The following ME1 variants were observed in gnomAD, a reference collection of about 807,000 sequenced individuals.
ME1 encodes the protein malic enzyme 1.
In ME1, 74 loss-of-function variants were observed where a neutral mutation model predicts 66.4. The ratio of observed to expected loss-of-function variants is 1.11; its 90% CI spans 0.92 to 1.35. The LOEUF is 1.35. Among genes scored for constraint, ME1 ranks in the 40% most tolerant of loss-of-function variants. The probability of loss-of-function intolerance (pLI) is 0.00; values close to 1 mark genes in which losing one functional copy is unlikely to be tolerated. For synonymous variants in ME1, 251 were observed against 235.6 expected, an observed-to-expected ratio of 1.07 and a Z score of -0.60; for missense variants, 750 against 694.1, an observed-to-expected ratio of 1.08 and a Z score of -0.90.
At chr6:83,397,133 G>T (rs907371111) in intron 3 of ME1, among the ~76,000 whole-genome samples, 1 of 152,068 alleles carries the variant, frequency 6.6e-6, no homozygotes, top group Non-Finnish European at 1.5e-5. Flanking sequence ...ATAGACAAAT[G>T]GAATTATAAT....
intron 1 of ME1, among the ~76,000 whole-genome samples, chr6:83,426,021 T>TA (rs1280418249): frequency 6.6e-6 from 1 of 152,290 alleles, no homozygotes; most frequent in East Asian, 1.9e-4. Flanking sequence ...GGTTCCTTTA[T>TA]AAAAGCAAGT....
chr6:83,320,672 T>C (rs1335473820), intron 5 of ME1, among the ~76,000 whole-genome samples: 1 of 152,168 alleles, frequency 6.6e-6, no homozygotes, highest in Non-Finnish European at 1.5e-5. Context: ...AAAATGTGAA[T>C]TAGAAAAATT....
intron 5 of ME1, among the ~76,000 whole-genome samples, chr6:83,325,379 AG>A: frequency 6.6e-6 from 1 of 152,320 alleles, no homozygotes; most frequent in South Asian, 2.1e-4. Flanking sequence ...ATCAGGCAAG[AG>A]AAAGAAATAA....
At chr6:83,237,652 CTT>C in intron 9 of ME1, 63 bp downstream of exon 9, 1 of 810,158 alleles carries the variant, frequency 1.2e-6, no homozygotes, top group Non-Finnish European at 2.0e-6. Context: ...ACAGAGTTGT[CTT>C]TGAGATGGCC....
chr6:83,239,066 TAATAATATACTACA>T (rs1317281090), intron 8 of ME1, among the ~76,000 whole-genome samples: 39 of 151,930 alleles, frequency 2.6e-4, no homozygotes, highest in Non-Finnish European at 3.4e-4. Context: ...ATGTGAACAG[TAATAATATACTACA>T]AATCCCTAAT....
At chr6:83,238,967 G>A (rs1439462572) in intron 8 of ME1, among the ~76,000 whole-genome samples, 1 of 151,580 alleles carries the variant, frequency 6.6e-6, no homozygotes, top group Non-Finnish European at 1.5e-5. Flanking sequence ...TCTTCTTTCA[G>A]ATTATTAAAT....
At chr6:83,225,527 T>C (rs1790179317) in intron 11 of ME1, among the ~76,000 whole-genome samples, 1 of 152,070 alleles carries the variant, frequency 6.6e-6, no homozygotes, top group South Asian at 2.1e-4. Flanking sequence ...TGTCATAATA[T>C]ACCTTTTAGT....
intron 3 of ME1, among the ~76,000 whole-genome samples, chr6:83,356,647 A>G (rs1423395810): frequency 3.9e-5 from 6 of 152,242 alleles, no homozygotes; most frequent in South Asian, 2.1e-4. Flanking sequence ...CTGAAGCCAA[A>G]GGAAGTCAAG....
intron 6 of ME1, among the ~76,000 whole-genome samples, chr6:83,285,059 C>CT (rs1339039936): frequency 6.6e-6 from 1 of 152,132 alleles, no homozygotes; most frequent in East Asian, 1.9e-4. Flanking sequence ...ATATGATGAT[C>CT]TGTTTTCCCG....
At chr6:83,325,948 C>CAAAA (rs199839173) in intron 5 of ME1, among the ~76,000 whole-genome samples, 4 of 120,818 alleles carry the variant, frequency 3.3e-5, no homozygotes, top group Admixed American at 7.9e-5. Context: ...ACGAAGCAAA[C>CAAAA]AAAAAAAAAA....
chr6:83,362,964 C>T lies in ME1; in HGVS notation c.363-10825G>A, dbSNP rs543208191. 2.8e-4 allele frequency among the ~76,000 whole-genome samples: 43 copies of T among 152,260 alleles called. 2 individuals are homozygous for T. The South Asian group carries it at 7.7e-3, about 27-fold the overall frequency. ...CAGCTGGATTGATAGAATGGTGAAA[C>T]GGCCTTTTGAAGTCACAGTTACAAT... On this transcript the variant is annotated intron_variant, in intron 3 of 13. Coordinates refer to ENST00000369705, the MANE Select transcript of ME1 (RefSeq NM_002395.6).
At chr6:83,277,950 G>A (rs1767219303) in intron 6 of ME1, among the ~76,000 whole-genome samples, 1 of 103,886 alleles carries the variant, frequency 9.6e-6, no homozygotes, top group African/African-American at 4.0e-5. Flanking sequence ...AACACAGTGT[G>A]CCAGAAAGCT....
At chr6:83,380,927 A>G (rs1769383239) in intron 3 of ME1, among the ~76,000 whole-genome samples, 1 of 152,154 alleles carries the variant, frequency 6.6e-6, no homozygotes, top group African/African-American at 2.4e-5. Context: ...AGTTAGCTGA[A>G]CAGATTAAGA....
At chr6:83,302,350 G>A (rs780510041) in intron 6 of ME1, among the ~76,000 whole-genome samples, 11 of 151,976 alleles carry the variant, frequency 7.2e-5, no homozygotes, top group African/African-American at 1.2e-4. Context: ...AATAACTAAC[G>A]AGTACTATGC....
At chr6:83,389,949 A>G (rs1180783384) in intron 3 of ME1, among the ~76,000 whole-genome samples, 6 of 152,084 alleles carry the variant, frequency 3.9e-5, no homozygotes, top group East Asian at 1.9e-4. Flanking sequence ...GAGCCCAAAA[A>G]TATTCTTAAA....
At chr6:83,256,682 C>A (rs1766778416) in intron 6 of ME1, among the ~76,000 whole-genome samples, 1 of 152,112 alleles carries the variant, frequency 6.6e-6, no homozygotes, top group African/African-American at 2.4e-5. Flanking sequence ...CCAGCAATCC[C>A]ATTACTGGGT....
intron 4 of ME1, among the ~76,000 whole-genome samples, chr6:83,349,590 C>T (rs1400132054): frequency 6.6e-6 from 1 of 152,190 alleles, no homozygotes; most frequent in Non-Finnish European, 1.5e-5. Context: ...CATTTAATTT[C>T]CCAAGGCCCA....
intron 5 of ME1, among the ~76,000 whole-genome samples, chr6:83,331,465 T>A (rs1768407612): frequency 6.6e-6 from 1 of 151,438 alleles, no homozygotes. Context: ...TGGGCGCCTG[T>A]AATCCCAGCT....
At chr6:83,310,605 T>C (rs1170348) in intron 6 of ME1, among the ~76,000 whole-genome samples, 60,630 of 151,900 alleles carry the variant, frequency 0.4, 12,810 homozygotes, top group Middle Eastern at 0.57. Context: ...ATGGAGCACA[T>C]GCCCGGTCCA....
Sources: gnomAD v4.1 joint callset for allele counts (sites outside exome capture counted in the v4.1 genomes callset) on GRCh38, gnomAD v4.1.1 for gene constraint, MANE v1.5 for transcripts, NCBI Gene and HGNC (gene_info 2026-07-23, HGNC 2026-07-21) for gene names.